The following LCOR variants were observed in gnomAD, a reference collection of about 807,000 sequenced individuals.
The protein encoded by LCOR is ligand-dependent corepressor.
LCOR carries 14 observed loss-of-function variants against 64.4 expected under a neutral mutation model. The observed-to-expected ratio is 0.22, with a 90% confidence interval of 0.14 to 0.34. LCOR has a LOEUF of 0.34. LCOR is among the 10% of genes least tolerant of loss of function. The pLI is 1.00. For synonymous variants in LCOR, 643 were observed against 642.5 expected (o/e 1.00, Z -0.01); for missense variants, 1,686 against 1,765.3 (o/e 0.96, Z 0.80).
At chr10:96,912,115 G>A (rs1846847998) in intron 4 of LCOR, among the ~76,000 whole-genome samples, 1 of 151,850 alleles carries the variant, frequency 6.6e-6, no homozygotes. Context: ...TGTATTTTTA[G>A]TAGAGGCGGG....
At chr10:96,927,326 C>T (rs935040337) in intron 4 of LCOR, among the ~76,000 whole-genome samples, 1 of 151,866 alleles carries the variant, frequency 6.6e-6, no homozygotes, top group Non-Finnish European at 1.5e-5. Flanking sequence ...GAATCTTTTA[C>T]CAATTTTAGA....
At position 96,929,750 on chromosome 10, in the gene LCOR, A is replaced by G. The variant is rs535982940; in HGVS notation, c.-183-14363A>G. ...CTTCCTCACTAAGCTCAATCATTTA[A>G]ATCAAAAGCTCAAGCTTTTGATTTA... is the stretch of plus-strand genomic sequence containing the variant. On this transcript the variant is annotated intron_variant, in intron 4 of 7. Coordinates refer to ENST00000421806, the MANE Select transcript of LCOR (RefSeq NM_001346516.2). 3.9e-5 allele frequency among the ~76,000 whole-genome samples: 6 copies of G among 152,328 alleles called. No individual in the cohort carries two copies. In the South Asian group the frequency reaches 1.0e-3, roughly 26 times the overall value.
At chr10:96,974,115 A>G (rs1359054893) in intron 7 of LCOR, among the ~76,000 whole-genome samples, 2 of 152,258 alleles carry the variant, frequency 1.3e-5, no homozygotes, top group East Asian at 1.9e-4. Flanking sequence ...TGAAACAACA[A>G]TCATTCTTAA....
intron 4 of LCOR, among the ~76,000 whole-genome samples, chr10:96,913,057 G>A (rs1846872165): frequency 6.6e-6 from 1 of 151,366 alleles, no homozygotes; most frequent in South Asian, 2.1e-4. Context: ...TTTTTTTAAA[G>A]CACTTTTTTT....
chr10:96,911,394 G>GC (rs1846832459), intron 4 of LCOR, among the ~76,000 whole-genome samples: 1 of 152,040 alleles, frequency 6.6e-6, no homozygotes, highest in Non-Finnish European at 1.5e-5. Context: ...ACCACGCCCT[G>GC]CCACTCCTAT....
At chr10:96,956,732 G>A (rs1210781622) in intron 7 of LCOR, 2 of 985,634 alleles carry the variant, frequency 2.0e-6, no homozygotes, top group Non-Finnish European at 2.4e-6. Context: ...CATGGAGGAC[G>A]AGCTCCGTAT....
At chr10:96,878,164 C>A (rs1275875414) in intron 2 of LCOR, among the ~76,000 whole-genome samples, 3 of 152,154 alleles carry the variant, frequency 2.0e-5, no homozygotes, top group African/African-American at 7.2e-5. Context: ...GTGACAACTT[C>A]CACTTTTACT....
At chr10:96,845,879 A>C (rs529858619) in intron 2 of LCOR, among the ~76,000 whole-genome samples, 22 of 152,076 alleles carry the variant, frequency 1.4e-4, no homozygotes, top group Non-Finnish European at 2.9e-4. Flanking sequence ...TCATTTTTCT[A>C]TGAATGTTTA....
intron 7 of LCOR, among the ~76,000 whole-genome samples, chr10:96,969,133 C>T (rs1847975550): frequency 6.6e-6 from 1 of 152,128 alleles, no homozygotes; most frequent in Non-Finnish European, 1.5e-5. Context: ...AAATGAAAGG[C>T]ATTGACAGCA....
Position 96,987,146 on chromosome 10 carries a change from G to A in LCOR, c.*2012G>A, listed in dbSNP as rs1182236947. The A allele has an allele frequency of 6.6e-6, 1 of 152,064 alleles. No homozygotes were observed. Among genetic ancestry groups the A allele is most frequent in the Non-Finnish European group, 1.5e-5 (1 of 68,016 alleles). 9.4% of individuals were successfully genotyped at this position (152,064 alleles called of 1,614,324 possible). A position where few individuals can be genotyped will look rare whatever the true frequency, so the allele number is the denominator to read the frequency against. ...AATAAAACTGCTGAGTGTGTATGTT[G>A]GCAACCCTTTCTCAGCATTAAGTTG... On this transcript the variant is annotated 3_prime_UTR_variant, in exon 8 of 8. Coordinates refer to ENST00000421806, the MANE Select transcript of LCOR (RefSeq NM_001346516.2).
chr10:96,955,087 C>T, intron 7 of LCOR: 5 of 1,614,170 alleles, frequency 3.1e-6, no homozygotes, highest in Non-Finnish European at 4.2e-6. Context: ...CTGGCTCGAT[C>T]CCTGCAGATT....
chr10:96,954,304 G>C (rs1009691422), intron 7 of LCOR, among the ~76,000 whole-genome samples: 2 of 152,030 alleles, frequency 1.3e-5, no homozygotes, highest in Non-Finnish European at 2.9e-5. Flanking sequence ...GTTTATTTGG[G>C]AATTTTTTTT....
At chr10:96,832,706 CGCTCCCGCCCCT>C (rs1276673929) in intron 1 of LCOR, among the ~76,000 whole-genome samples, 1 of 150,874 alleles carries the variant, frequency 6.6e-6, no homozygotes, top group East Asian at 2.0e-4. Context: ...CCTCCCTCCC[CGCTCCCGCCCCT>C]GCTCCCGCTC....
intron 4 of LCOR, among the ~76,000 whole-genome samples, chr10:96,939,800 A>G (rs891872640): frequency 6.6e-6 from 1 of 152,212 alleles, no homozygotes; most frequent in Non-Finnish European, 1.5e-5. Flanking sequence ...CGTCTCTACT[A>G]AAAATACAAA....
In LCOR at chr10:96,994,266, C is replaced by T. The variant is rs917173604; in HGVS notation, c.*9132C>T. 1 of 152,202 alleles carries T rather than the reference C, an allele frequency of 6.6e-6. No homozygotes were observed. Among genetic ancestry groups the T allele is most frequent in the Admixed American group, 6.5e-5 (1 of 15,284 alleles). 9.4% of individuals were successfully genotyped at this position (152,202 alleles called of 1,614,324 possible). ...TAAAACCTAGCCCATTTCATATCAG[C>T]CTCTTCTGTGCCTGGGCTTGAAATG... On this transcript the variant is annotated 3_prime_UTR_variant, in exon 8 of 8. Coordinates refer to ENST00000421806, the MANE Select transcript of LCOR (RefSeq NM_001346516.2).
chr10:96,886,776 A>T (rs757679661), intron 2 of LCOR, among the ~76,000 whole-genome samples: 1 of 152,226 alleles, frequency 6.6e-6, no homozygotes, highest in East Asian at 1.9e-4. Context: ...ATTAGACTAG[A>T]TACTGAGGTA....
chr10:96,877,907 G>A (rs1429919547), intron 2 of LCOR, among the ~76,000 whole-genome samples: 3 of 152,082 alleles, frequency 2.0e-5, no homozygotes, highest in African/African-American at 4.8e-5. Context: ...CACTGCGCCC[G>A]ACCTGAAAAT....
At position 96,985,939 on chromosome 10, in the gene LCOR, C is replaced by T. The variant is rs1214831037; in HGVS notation, c.*805C>T. 1 of 166,982 alleles carries T rather than the reference C, an allele frequency of 6.0e-6. No homozygotes were observed. The highest frequency in any genetic ancestry group is 2.4e-5 in the African/African-American group (1 of 41,432). 10.3% of individuals were successfully genotyped at this position (166,982 alleles called of 1,614,324 possible). On this transcript the variant is annotated 3_prime_UTR_variant, in exon 8 of 8. Coordinates refer to ENST00000421806, the MANE Select transcript of LCOR (RefSeq NM_001346516.2). ...ATTTCTGGTCTTGCTAGCACTCCTGCAAGGCTTCCATCCTACTTCGGGAGG... is the reference window on the plus strand; with the variant it reads ...ATTTCTGGTCTTGCTAGCACTCCTGTAAGGCTTCCATCCTACTTCGGGAGG...
In LCOR at chr10:96,989,695, A is replaced by ATATATATATATATTTTTTT. The variant is rs1371771053; in HGVS notation, c.*4562_*4563insATATATATATATTTTTTTT. 1 of 86,160 alleles carries ATATATATATATATTTTTTT rather than the reference A, an allele frequency of 1.2e-5. No homozygotes were observed. The highest frequency in any genetic ancestry group is 6.2e-5 in the African/African-American group (1 of 16,170). 5.3% of individuals were successfully genotyped at this position (86,160 alleles called of 1,614,324 possible). On this transcript the variant is annotated 3_prime_UTR_variant, in exon 8 of 8. Coordinates refer to ENST00000421806, the MANE Select transcript of LCOR (RefSeq NM_001346516.2). ...TAAGGATATATATATATATATATAT[A>ATATATATATATATTTTTTT]TTTTTTTTTTTTTTTTTTTTTTTTA...
Sources: gnomAD v4.1 joint callset for allele counts (sites outside exome capture counted in the v4.1 genomes callset) on GRCh38, gnomAD v4.1.1 for gene constraint, MANE v1.5 for transcripts, NCBI Gene and HGNC (gene_info 2026-07-23, HGNC 2026-07-21) for gene names.